The following C4orf36 variants were observed in gnomAD, a reference collection of about 807,000 sequenced individuals.
The protein encoded by C4orf36 is chromosome 4 open reading frame 36, also known as uncharacterized protein C4orf36.
C4orf36 carries 11 observed loss-of-function variants against 12.2 expected under a neutral mutation model. The observed-to-expected ratio is 0.90, with a 90% CI of 0.57 to 1.49. The LOEUF (loss-of-function observed/expected upper bound fraction) is 1.49, where lower values mean the gene tolerates loss of function less well. C4orf36 is among the 40% of genes most tolerant of loss of function. The pLI is 0.00. For missense variants in C4orf36, 137 were observed against 133.9 expected, an observed-to-expected ratio of 1.02 and a Z score of -0.11; for synonymous variants, 54 against 51.3, an observed-to-expected ratio of 1.05 and a Z score of -0.22.
At chr4:86,876,792 A>G (rs1400228590) in intron 4 of C4orf36, 1 of 1,357,394 alleles carries the variant, frequency 7.4e-7, no homozygotes. Context: ...AAAATAAAAA[A>G]AAAGAGATTT....
At chr4:86,914,773 G>T in the C4orf36 span, 1 of 444,860 alleles carries the variant, frequency 2.2e-6, no homozygotes, top group Non-Finnish European at 4.4e-6. Context: ...CCTGTTCCAG[G>T]CACGATAGGT....
the C4orf36 span, among the ~76,000 whole-genome samples, chr4:86,904,729 A>AAAG: frequency 3.9e-5 from 6 of 151,924 alleles, no homozygotes; most frequent in African/African-American, 1.5e-4. Flanking sequence ...CCGCATCTCT[A>AAAG]AATAATAATA....
the C4orf36 span, among the ~76,000 whole-genome samples, chr4:86,901,339 C>G: frequency 6.6e-6 from 1 of 151,646 alleles, no homozygotes; most frequent in African/African-American, 2.4e-5. Flanking sequence ...ACCCACAGAT[C>G]ATATCTGATC....
the C4orf36 span, among the ~76,000 whole-genome samples, chr4:86,910,935 TAGCTG>T: frequency 6.7e-6 from 1 of 150,190 alleles, no homozygotes; most frequent in African/African-American, 2.5e-5. Context: ...AAAAAAAAAA[TAGCTG>T]AGCGTGGTGG....
At chr4:86,935,636 A>C in the C4orf36 span, 1 of 148,650 alleles carries the variant, frequency 6.7e-6, no homozygotes, top group East Asian at 2.0e-4. Context: ...TCTCGGGGGG[A>C]GGGGGCGGGG....
chr4:86,934,861 A>T, the C4orf36 span: 1 of 152,008 alleles, frequency 6.6e-6, no homozygotes, highest in African/African-American at 2.4e-5. Flanking sequence ...GAGGGCCGCG[A>T]CGTCCCTTGC....
At chr4:86,902,624 C>T in the C4orf36 span, among the ~76,000 whole-genome samples, 4 of 152,096 alleles carry the variant, frequency 2.6e-5, no homozygotes, top group Non-Finnish European at 5.9e-5. Flanking sequence ...CCTGCCTTTA[C>T]CTTAGCTGTT....
intron 2 of C4orf36, chr4:86,890,119 G>C (rs1337163697): frequency 2.2e-6 from 1 of 448,940 alleles, no homozygotes. Context: ...TCAAGCCCAG[G>C]AGGTGCACAA....
At chr4:86,904,146 A>G in the C4orf36 span, among the ~76,000 whole-genome samples, 9 of 152,318 alleles carry the variant, frequency 5.9e-5, 1 homozygote, top group African/African-American at 2.2e-4. Context: ...GCACTCCGGT[A>G]GCCCAGAAGG....
At chr4:86,909,184 G>A in the C4orf36 span, among the ~76,000 whole-genome samples, 1 of 152,268 alleles carries the variant, frequency 6.6e-6, no homozygotes, top group East Asian at 1.9e-4. Flanking sequence ...AGGGGATTCT[G>A]GGAACTATAG....
At chr4:86,898,251 G>T in the C4orf36 span, among the ~76,000 whole-genome samples, 1 of 152,146 alleles carries the variant, frequency 6.6e-6, no homozygotes, top group Non-Finnish European at 1.5e-5. Flanking sequence ...AATTAGCCAG[G>T]TGTGATGGCA....
At chr4:86,925,659 G>T in the C4orf36 span, 2 of 152,002 alleles carry the variant, frequency 1.3e-5, no homozygotes, top group African/African-American at 4.8e-5. Context: ...ATATCAATAT[G>T]ATCCTTGTTC....
the C4orf36 span, chr4:86,913,443 G>C: frequency 1.3e-6 from 1 of 752,190 alleles, no homozygotes; most frequent in South Asian, 1.4e-5. Flanking sequence ...TGGCCCTCTT[G>C]TCCATGTTGC....
chr4:86,923,848 T>C, the C4orf36 span, among the ~76,000 whole-genome samples: 48 of 152,280 alleles, frequency 3.2e-4, no homozygotes, highest in Non-Finnish European at 4.0e-4. Context: ...TTATTTATTT[T>C]CTCCCTATTT....
intron 2 of C4orf36, among the ~76,000 whole-genome samples, chr4:86,888,764 A>G (rs982750228): frequency 1.3e-5 from 2 of 152,184 alleles, no homozygotes; most frequent in Non-Finnish European, 2.9e-5. Context: ...TCTTTCACCT[A>G]ATTCTGAAAT....
chr4:86,891,293 C>CAAAAAAAA (rs34250498), intron 2 of C4orf36, among the ~76,000 whole-genome samples, 163 bp downstream of exon 2: 2 of 118,944 alleles, frequency 1.7e-5, no homozygotes, highest in Non-Finnish European at 1.7e-5. Flanking sequence ...AAGCAGTTGC[C>CAAAAAAAA]AAAAAAAAAA....
chr4:86,904,556 T>TG, the C4orf36 span, among the ~76,000 whole-genome samples: 1 of 124,928 alleles, frequency 8.0e-6, no homozygotes, highest in South Asian at 2.6e-4. Context: ...CACTCCAGCC[T>TG]GGCGACAGAG....
At chr4:86,931,320 A>G in the C4orf36 span, among the ~76,000 whole-genome samples, 2 of 151,182 alleles carry the variant, frequency 1.3e-5, no homozygotes, top group Non-Finnish European at 2.9e-5. Context: ...CTCCTTTTTC[A>G]TCCCTCCTCA....
intron 2 of C4orf36, among the ~76,000 whole-genome samples, chr4:86,891,065 C>A (rs753932808): frequency 1.3e-5 from 2 of 152,120 alleles, no homozygotes; most frequent in African/African-American, 4.8e-5. Context: ...ACATCTGACA[C>A]CAGGGCATTT....
Sources: allele counts gnomAD v4.1 joint callset (sites outside exome capture counted in the v4.1 genomes callset), GRCh38; gene constraint gnomAD v4.1.1; transcripts MANE v1.5; gene names NCBI Gene and HGNC (gene_info 2026-07-23, HGNC 2026-07-21).